The following MTCL3 variants were observed in gnomAD, a reference collection of about 807,000 sequenced individuals.
MTCL3 encodes microtubule cross-linking factor 3.
At chr6:127,516,114 T>G in the MTCL3 span, 1 of 1,405,284 alleles carries the variant, frequency 7.1e-7, no homozygotes, top group Non-Finnish European at 9.3e-7. Flanking sequence ...CGCCCCCTCC[T>G]CCCCCTTCTC....
the MTCL3 span, among the ~76,000 whole-genome samples, chr6:127,496,602 C>T: frequency 5.3e-5 from 8 of 152,154 alleles, no homozygotes; most frequent in Admixed American, 5.2e-4. Context: ...AACATATATC[C>T]ACCAAGGACT....
chr6:127,483,883 A>G, the MTCL3 span, among the ~76,000 whole-genome samples: 1 of 152,172 alleles, frequency 6.6e-6, no homozygotes, highest in African/African-American at 2.4e-5. Context: ...TACTGCATCT[A>G]CCATCAGGAA....
chr6:127,490,784 T>C, the MTCL3 span, among the ~76,000 whole-genome samples: 1 of 152,020 alleles, frequency 6.6e-6, no homozygotes, highest in Non-Finnish European at 1.5e-5. Context: ...ACCATTACAC[T>C]CCAGCCTGGG....
the MTCL3 span, among the ~76,000 whole-genome samples, chr6:127,492,580 G>A: frequency 2.9e-4 from 44 of 152,250 alleles, no homozygotes; most frequent in East Asian, 7.9e-3. Flanking sequence ...GAGTGCAGTG[G>A]CCCGATCTCG....
At chr6:127,510,606 C>T in the MTCL3 span, among the ~76,000 whole-genome samples, 1 of 152,228 alleles carries the variant, frequency 6.6e-6, no homozygotes, top group Non-Finnish European at 1.5e-5. Flanking sequence ...TTAAAACATT[C>T]ACATGACACC....
At chr6:127,476,324 C>T in the MTCL3 span, 1 of 1,614,194 alleles carries the variant, frequency 6.2e-7, no homozygotes, top group Non-Finnish European at 8.5e-7. The surrounding 1 kb of genome is among the most constrained non-coding windows in gnomAD (Gnocchi z 4.4). Context: ...AAAGGACTGT[C>T]CAGATCCCCA....
chr6:127,513,369 C>T, the MTCL3 span, among the ~76,000 whole-genome samples: 1 of 152,146 alleles, frequency 6.6e-6, no homozygotes, highest in Non-Finnish European at 1.5e-5. Context: ...AATTTTGTTC[C>T]CTTAACTTCT....
At chr6:127,480,408 A>C in the MTCL3 span, among the ~76,000 whole-genome samples, 4 of 152,244 alleles carry the variant, frequency 2.6e-5, no homozygotes, top group African/African-American at 9.6e-5. Context: ...CTGTAAATAA[A>C]GTCACTGTGC....
chr6:127,474,738 C>G, the MTCL3 span, among the ~76,000 whole-genome samples: 8 of 152,114 alleles, frequency 5.3e-5, no homozygotes, highest in Non-Finnish European at 8.8e-5. Context: ...GCCACCACAC[C>G]CAGCTAATTT....
chr6:127,489,729 G>A, the MTCL3 span, among the ~76,000 whole-genome samples: 1 of 152,236 alleles, frequency 6.6e-6, no homozygotes, highest in African/African-American at 2.4e-5. Flanking sequence ...GAAAGTGAAG[G>A]AAGAGAGGTG....
the MTCL3 span, chr6:127,475,289 G>A: frequency 6.3e-7 from 1 of 1,599,246 alleles, no homozygotes; most frequent in Non-Finnish European, 8.5e-7. The surrounding 1 kb of genome is among the most constrained non-coding windows in gnomAD (Gnocchi z 7.3). Context: ...AGGCAGAACT[G>A]TACCTGACTC....
the MTCL3 span, chr6:127,475,917 C>T: frequency 6.2e-7 from 1 of 1,613,322 alleles, no homozygotes; most frequent in Non-Finnish European, 8.5e-7. This position sits in a 1 kb window ranked among gnomAD's most constrained non-coding sequence, Gnocchi z 7.3. Flanking sequence ...CCTTCAGCTC[C>T]TCCTGCAGGG....
the MTCL3 span, among the ~76,000 whole-genome samples, chr6:127,512,322 C>A: frequency 6.6e-6 from 1 of 151,900 alleles, no homozygotes; most frequent in Non-Finnish European, 1.5e-5. Context: ...AAAGGAAAAT[C>A]TTTAAACAGA....
the MTCL3 span, among the ~76,000 whole-genome samples, chr6:127,473,962 C>T: frequency 6.6e-6 from 1 of 152,174 alleles, no homozygotes; most frequent in Admixed American, 6.5e-5. Context: ...CCAATTCATC[C>T]GGTGTGCCTC....
chr6:127,487,755 G>T, the MTCL3 span, among the ~76,000 whole-genome samples: 1 of 152,150 alleles, frequency 6.6e-6, no homozygotes, highest in Non-Finnish European at 1.5e-5. Context: ...CACATGCCAG[G>T]GTGATCAAGC....
At chr6:127,503,493 G>C in the MTCL3 span, among the ~76,000 whole-genome samples, 1 of 152,108 alleles carries the variant, frequency 6.6e-6, no homozygotes, top group Non-Finnish European at 1.5e-5. Flanking sequence ...TAGTCTTTGG[G>C]AGTGACAGGA....
the MTCL3 span, among the ~76,000 whole-genome samples, chr6:127,479,589 C>G: frequency 6.6e-6 from 1 of 152,028 alleles, no homozygotes; most frequent in Non-Finnish European, 1.5e-5. Context: ...TTATATTAAG[C>G]AAATAAAAAA....
the MTCL3 span, among the ~76,000 whole-genome samples, chr6:127,508,161 C>T: frequency 2.0e-5 from 3 of 152,056 alleles, no homozygotes; most frequent in South Asian, 2.1e-4. Flanking sequence ...CCCATTAAAC[C>T]GTCTCTTGGA....
chr6:127,486,717 A>G, the MTCL3 span, among the ~76,000 whole-genome samples: 1 of 152,152 alleles, frequency 6.6e-6, no homozygotes. Context: ...TTTTTTGATC[A>G]TGAGAAGGCC....
Sources: allele counts gnomAD v4.1 joint callset (sites outside exome capture counted in the v4.1 genomes callset), GRCh38; gene constraint gnomAD v4.1.1; non-coding constraint Gnocchi (gnomAD v3.1); transcripts MANE v1.5; gene names NCBI Gene and HGNC (gene_info 2026-07-23, HGNC 2026-07-21).